Variants in PATJ observed in about 807,000 individuals in gnomAD.
PATJ encodes inaD-like protein.
A neutral mutation model predicts 224.9 loss-of-function variants in PATJ; 190 were observed. The ratio of observed to expected loss-of-function variants is 0.84; its 90% CI spans 0.75 to 0.95. The LOEUF is 0.95. PATJ is among the 40% of genes least tolerant of loss of function. PATJ has a pLI of 0.00. For synonymous variants in PATJ, 769 were observed against 820.3 expected, an observed-to-expected ratio of 0.94 and a Z score of 1.07; for missense variants, 2,121 against 2,270.3, an observed-to-expected ratio of 0.93 and a Z score of 1.34.
At chr1:61,941,174 T>G (rs1187589800) in intron 27 of PATJ, among the ~76,000 whole-genome samples, 1 of 152,158 alleles carries the variant, frequency 6.6e-6, no homozygotes, top group Non-Finnish European at 1.5e-5. Context: ...TTGAGAAAAG[T>G]TAATGGTTCA....
intron 41 of PATJ, among the ~76,000 whole-genome samples, chr1:62,136,665 CTGTGTGTGTG>C (rs71050202): frequency 4.3e-5 from 2 of 46,832 alleles, no homozygotes; most frequent in Admixed American, 5.2e-4. Flanking sequence ...GTGTGTGTGT[CTGTGTGTGTG>C]TGTGTGTGTG....
At chr1:61,776,219 T>A (rs899851496) in intron 7 of PATJ, among the ~76,000 whole-genome samples, 8 of 152,222 alleles carry the variant, frequency 5.3e-5, no homozygotes, top group African/African-American at 1.9e-4. Context: ...ACAGCAGTTG[T>A]CAAAGTTTGG....
chr1:61,946,773 AT>A (rs1165780653), intron 27 of PATJ, among the ~76,000 whole-genome samples: 1 of 152,146 alleles, frequency 6.6e-6, no homozygotes, highest in Non-Finnish European at 1.5e-5. Context: ...AAAAAAGAGA[AT>A]TTTAGACCAA....
Position 61,749,132 on chromosome 1 carries a change from C to T in PATJ, c.-36+6577C>T, listed in dbSNP as rs1022545068. Among the ~76,000 whole-genome samples the T allele has an allele frequency of 7.3e-5, 11 of 151,608 alleles. No individual in the cohort carries two copies. The East Asian group carries it at 1.4e-3, about 19-fold the overall frequency. On this transcript the variant is annotated intron_variant, in intron 1 of 43. Transcript: ENST00000642238. ...GCTGGGATTCAGGTGCCCGCCACCA[C>T]GCCCAGCTATTTTTTTTTTTTTTTT...
intron 30 of PATJ, chr1:62,038,751 C>T: frequency 9.3e-6 from 4 of 431,640 alleles, no homozygotes; most frequent in South Asian, 2.2e-5. Context: ...TATAGTGTCC[C>T]TTTTAATAAA....
At chr1:62,009,731 G>C (rs777706500) in intron 28 of PATJ, among the ~76,000 whole-genome samples, 7 of 152,154 alleles carry the variant, frequency 4.6e-5, no homozygotes, top group Admixed American at 2.0e-4. Flanking sequence ...TAATAGTCTA[G>C]ATTCATTGTT....
Position 62,010,093 on chromosome 1 carries a change from A to AAAG in PATJ, c.3868-7761_3868-7760insGAA, listed in dbSNP as rs1553241065. Reference sequence around the variant, plus strand: ...GACTCCATCTCAAAAAAAAAAAAAAAAAAGAAAGAAAGAAAGAAACCAGTT... The same window carrying AAAG: ...GACTCCATCTCAAAAAAAAAAAAAAAAAGAAAGAAAGAAAGAAAGAAACCAGTT... On this transcript the variant is annotated intron_variant, in intron 28 of 43. Coordinates refer to ENST00000642238, the MANE Select transcript of PATJ (RefSeq NM_001350145.3). 3.6e-4 allele frequency among the ~76,000 whole-genome samples: 53 copies of AAAG among 147,912 alleles called. 1 individual carries two copies. The highest frequency in any genetic ancestry group is 2.3e-4 in the African/African-American group (9 of 38,622).
chr1:61,770,465 C>T (rs1646534904), intron 5 of PATJ, among the ~76,000 whole-genome samples: 1 of 152,126 alleles, frequency 6.6e-6, no homozygotes, highest in African/African-American at 2.4e-5. Context: ...TTACTAAGTA[C>T]TTTAAAAGGT....
At chr1:61,985,427 G>A (rs1644698834) in intron 27 of PATJ, among the ~76,000 whole-genome samples, 2 of 151,962 alleles carry the variant, frequency 1.3e-5, no homozygotes. Context: ...CACTGATAGG[G>A]GTCTTTTTTA....
At chr1:62,108,635 C>T in intron 34 of PATJ, 115 bp downstream of exon 34, 1 of 528,232 alleles carries the variant, frequency 1.9e-6, no homozygotes, top group Non-Finnish European at 3.3e-6. Flanking sequence ...TCCCATTTAA[C>T]AAAATACTTA....
At chr1:62,128,125 A>G (rs1558208323) in intron 40 of PATJ, 31 bp downstream of exon 40, 3 of 1,613,604 alleles carry the variant, frequency 1.9e-6, no homozygotes, top group Admixed American at 1.7e-5. Context: ...AAAGACTAAC[A>G]ATATGTGTTG....
intron 17 of PATJ, among the ~76,000 whole-genome samples, chr1:61,855,644 G>A (rs1557762294): frequency 6.6e-6 from 1 of 152,090 alleles, no homozygotes; most frequent in Non-Finnish European, 1.5e-5. Flanking sequence ...TGAATCCTGG[G>A]CTCAAGCAAT....
intron 7 of PATJ, among the ~76,000 whole-genome samples, chr1:61,787,157 G>A (rs533946351): frequency 6.6e-6 from 1 of 152,256 alleles, no homozygotes; most frequent in African/African-American, 2.4e-5. Context: ...TTTAAGCACA[G>A]AAGCTTGAAT....
In PATJ at chr1:62,084,499, T is replaced by C. The variant is rs1659701294; in HGVS notation, c.4244-16T>C. On this transcript the variant is annotated splice_polypyrimidine_tract_variant and intron_variant, in intron 32 of 43. Transcript: ENST00000642238. ...GCTCTTACATGCCAGTCATGCTGTGTTCAATTCTTTTCCAGGTGGTTTCCA... is the reference window on the plus strand; with the variant it reads ...GCTCTTACATGCCAGTCATGCTGTGCTCAATTCTTTTCCAGGTGGTTTCCA... 3.1e-6 allele frequency: 5 copies of C among 1,607,560 alleles called. No individual in the cohort carries two copies. The highest frequency in any genetic ancestry group is 2.2e-5 in the East Asian group (1 of 44,724).
chr1:62,107,699 C>T (rs532267912), intron 33 of PATJ, among the ~76,000 whole-genome samples: 9 of 151,886 alleles, frequency 5.9e-5, no homozygotes, highest in South Asian at 2.1e-4. Flanking sequence ...GAATCCTATA[C>T]GTGGGTACAT....
At chr1:61,765,569 G>A (rs1415318835) in intron 3 of PATJ, among the ~76,000 whole-genome samples, 1 of 152,020 alleles carries the variant, frequency 6.6e-6, no homozygotes, top group Non-Finnish European at 1.5e-5. Context: ...ATTTTTGATA[G>A]CGATGGGGTT....
chr1:61,826,226 A>C (rs1284011998), intron 15 of PATJ, among the ~76,000 whole-genome samples: 1 of 152,188 alleles, frequency 6.6e-6, no homozygotes, highest in Non-Finnish European at 1.5e-5. Flanking sequence ...AGTGGTTCCC[A>C]GGAATAGTGG....
At chr1:62,014,983 A>G (rs960246197) in intron 28 of PATJ, among the ~76,000 whole-genome samples, 15 of 152,126 alleles carry the variant, frequency 9.9e-5, no homozygotes, top group African/African-American at 3.6e-4. Flanking sequence ...CAGTGGACGT[A>G]TTTTTAAATG....
intron 13 of PATJ, among the ~76,000 whole-genome samples, chr1:61,805,868 A>C (rs997471854): frequency 6.6e-6 from 1 of 152,194 alleles, no homozygotes; most frequent in Admixed American, 6.5e-5. Context: ...TGGCATTTTT[A>C]TGATTGCTTT....
Sources: gnomAD v4.1 joint callset for allele counts (sites outside exome capture counted in the v4.1 genomes callset) on GRCh38, gnomAD v4.1.1 for gene constraint, MANE v1.5 for transcripts, NCBI Gene and HGNC (gene_info 2026-07-23, HGNC 2026-07-21) for gene names.